Variants in HAUS6 observed in about 807,000 individuals in gnomAD.
HAUS6 encodes the protein HAUS augmin-like complex subunit 6.
HAUS6 carries 80 observed loss-of-function variants against 106.8 expected under a neutral mutation model. The observed-to-expected ratio is 0.75, with a 90% CI of 0.63 to 0.90. The LOEUF is 0.90. Ranked by LOEUF, HAUS6 falls within the 40% of genes least tolerant of loss-of-function variation. The probability of loss-of-function intolerance (pLI) is 0.00; values close to 1 mark genes in which losing one functional copy is unlikely to be tolerated. For missense variants in HAUS6, 1,155 were observed against 1,118.1 expected, an observed-to-expected ratio of 1.03 and a Z score of -0.47; for synonymous variants, 356 against 379.1, an observed-to-expected ratio of 0.94 and a Z score of 0.71.
At chr9:19,087,864 A>AAAAAAAAAAAAAAAAAAAAAG (rs1817655633) in intron 5 of HAUS6, among the ~76,000 whole-genome samples, 1 of 148,602 alleles carries the variant, frequency 6.7e-6, no homozygotes. Flanking sequence ...AAAAAAAAAA[A>AAAAAAAAAAAAAAAAAAAAAG]AAAAAAACCA....
In HAUS6 at chr9:19,054,161, T is replaced by A. The variant is rs1424500755; in HGVS notation, c.*2182A>T. 2.6e-5 allele frequency: 4 copies of A among 152,094 alleles called. No homozygotes were observed. Among genetic ancestry groups the A allele is most frequent in the Non-Finnish European group, 5.9e-5 (4 of 68,016 alleles). The allele number at this position is 152,094 out of a possible 1,614,324, so 9.4% of individuals were successfully genotyped here. On this transcript the variant is annotated 3_prime_UTR_variant, in exon 17 of 17. Coordinates refer to ENST00000380502, the MANE Select transcript of HAUS6 (RefSeq NM_017645.5). Reference sequence around the variant, plus strand: ...CAAGGTATTCCTGCTTCAGGAAAATTGTATATCAAGACCTCTAAAGACCCA... The same window carrying A: ...CAAGGTATTCCTGCTTCAGGAAAATAGTATATCAAGACCTCTAAAGACCCA...
chr9:19,058,686 T>C lies in HAUS6; in HGVS notation c.2081A>G (p.Lys694Arg). 3 of 1,612,880 alleles carry C rather than the reference T, an allele frequency of 1.9e-6. No individual in the cohort carries two copies. Among genetic ancestry groups the C allele is most frequent in the South Asian group, 1.1e-5 (1 of 91,048 alleles). The change falls in exon 16 of 17, where the codon AAG (lysine) becomes AGG (arginine). Residue 694 changes from lysine (K) to arginine (R), a missense_variant. By Grantham distance (26) the Lys-to-Arg change is conservative (BLOSUM62 2). Coordinates refer to ENST00000380502, the MANE Select transcript of HAUS6 (RefSeq NM_017645.5). ...SDLLNKKVIC[K>R]QDLECLAFTK... ...GAAGGCTAAACATTCCAAATCTTGCTTGCAAATTACTTTCTTATTTAACAA... is the reference window on the plus strand; with the variant it reads ...GAAGGCTAAACATTCCAAATCTTGCCTGCAAATTACTTTCTTATTTAACAA...
intron 4 of HAUS6, among the ~76,000 whole-genome samples, 156 bp downstream of exon 4, chr9:19,093,015 T>A (rs1817787580): frequency 6.6e-6 from 1 of 152,040 alleles, no homozygotes. Context: ...GATTTTAAAG[T>A]ACACTTCCAG....
At chr9:19,087,735 C>A (rs1384385851) in intron 5 of HAUS6, among the ~76,000 whole-genome samples, 3 of 151,206 alleles carry the variant, frequency 2.0e-5, no homozygotes, top group Non-Finnish European at 2.9e-5. Flanking sequence ...CACGCCTGTA[C>A]TCCCAGCTAC....
rs1268958461 is a variant in HAUS6 at position 19,080,332 on chromosome 9, C to T, written c.1064+147G>A. The T allele has an allele frequency of 4.9e-6, 3 of 606,796 alleles. No homozygotes were observed. The African/African-American group carries it at 5.6e-5, about 11-fold the overall frequency. The allele number at this position is 606,796 out of a possible 1,614,324, so 37.6% of individuals were successfully genotyped here. ...CTTTTCCTTTCTGCTTCATGTATAT[C>T]TCCAAGAGTTGATTATGTAAGATTT... On this transcript the variant is annotated intron_variant, in intron 9 of 16. Coordinates refer to ENST00000380502, the MANE Select transcript of HAUS6 (RefSeq NM_017645.5).
chr9:19,091,208 T>C (rs937935725), intron 4 of HAUS6, among the ~76,000 whole-genome samples: 2 of 151,146 alleles, frequency 1.3e-5, no homozygotes, highest in African/African-American at 2.4e-5. Context: ...GCTGAAGCAG[T>C]AGAATCGCTT....
In HAUS6 at chr9:19,086,739, G is replaced by C. The variant is rs1291128766; in HGVS notation, c.694C>G (p.Gln232Glu). The change falls in exon 7 of 17, where the codon CAA becomes GAA. Residue 232 changes from glutamine to glutamate, a missense_variant. Gln to Glu is a conservative substitution (Grantham distance 29, BLOSUM62 2). Transcript: ENST00000380502. Reference sequence around the variant, plus strand: ...CCTTTTATAAGTTGTCTCACCTTTTGAATTTTTTCTTCCATATTACTGTGG... The same window carrying C: ...CCTTTTATAAGTTGTCTCACCTTTTCAATTTTTTCTTCCATATTACTGTGG... Reference protein sequence around the residue: ...DDHSNMEEKIQKVRSLWASVN... With the variant: ...DDHSNMEEKIEKVRSLWASVN... 4.8e-6 allele frequency: 6 copies of C among 1,242,998 alleles called. No individual in the cohort carries two copies. The South Asian group carries it at 6.3e-5, about 13-fold the overall frequency. 77.0% of individuals were successfully genotyped at this position (1,242,998 alleles called of 1,614,324 possible).
At chr9:19,059,289 C>T (rs1281714721) in intron 15 of HAUS6, among the ~76,000 whole-genome samples, 1 of 152,226 alleles carries the variant, frequency 6.6e-6, no homozygotes, top group Admixed American at 6.5e-5. Context: ...CTTTTCTTGT[C>T]CATCTAAGCC....
At chr9:19,087,317 A>T (rs1837321651) in intron 5 of HAUS6, among the ~76,000 whole-genome samples, 161 bp from the exon 6 acceptor site, 1 of 152,190 alleles carries the variant, frequency 6.6e-6, no homozygotes, top group African/African-American at 2.4e-5. Flanking sequence ...AAGTGATTCA[A>T]CATACAGGCT....
At chr9:19,092,556 G>A (rs562180232) in intron 4 of HAUS6, among the ~76,000 whole-genome samples, 71 of 146,480 alleles carry the variant, frequency 4.8e-4, no homozygotes, top group South Asian at 2.6e-3. Context: ...CAGAGGTTGC[G>A]GTGAGCCAAG....
rs145576393 is a variant in HAUS6 at position 19,058,256 on chromosome 9, G to C, written c.2511C>G (p.Tyr837Ter). 15 of 1,613,686 alleles carry C rather than the reference G, an allele frequency of 9.3e-6. No homozygotes were observed. The highest frequency in any genetic ancestry group is 7.7e-5 in the South Asian group (7 of 91,068). The change falls in exon 16 of 17, where the codon TAC becomes TAG. Residue 837 changes from tyrosine to a stop codon, truncating the protein, a stop_gained. Coordinates refer to ENST00000380502, the MANE Select transcript of HAUS6 (RefSeq NM_017645.5). LOFTEE classifies it high-confidence loss of function. ...TGGAAAGAGATTTCTTCAGAGCCTC[G>C]TATCTACTGCGAAGAGCCTGTAAAT... ...DFNLQALRSR[Y>*]EALKKSLSKK...
At chr9:19,082,247 A>G (rs1381373656) in intron 8 of HAUS6, among the ~76,000 whole-genome samples, 1 of 152,224 alleles carries the variant, frequency 6.6e-6, no homozygotes, top group Admixed American at 6.5e-5. Context: ...TTTTAAAAGG[A>G]CATTTGGCAA....
intron 2 of HAUS6, among the ~76,000 whole-genome samples, chr9:19,095,639 A>C (rs1228217096): frequency 6.6e-6 from 1 of 152,160 alleles, no homozygotes; most frequent in Non-Finnish European, 1.5e-5. Context: ...AAAGCAAAAT[A>C]TTGAAAATAG....
rs1429025874 is a variant in HAUS6 at position 19,063,196 on chromosome 9, G to A, written c.1444-3C>T. The A allele has an allele frequency of 1.2e-5, 19 of 1,576,510 alleles. No individual in the cohort carries two copies. Among genetic ancestry groups the A allele is most frequent in the Non-Finnish European group, 1.7e-5 (19 of 1,151,342 alleles). ...TTGGGAGTTCCCATCTTTGTGTCCT[G>A]AAGAAGACAGATATGTAATGTTAAA... On this transcript the variant is annotated splice_region_variant and splice_polypyrimidine_tract_variant and intron_variant, in intron 13 of 16. Transcript: ENST00000380502.
At chr9:19,079,228 TTC>T (rs1837081123) in intron 9 of HAUS6, among the ~76,000 whole-genome samples, 1 of 150,920 alleles carries the variant, frequency 6.6e-6, no homozygotes, top group Admixed American at 6.6e-5. Flanking sequence ...TTATTTTTTT[TTC>T]TTTTTTTTTT....
Position 19,053,544 on chromosome 9 carries a change from C to T in HAUS6, c.*2799G>A, listed in dbSNP as rs1836403544. 6.6e-6 allele frequency: 1 copy of T among 152,108 alleles called. No homozygotes were observed. The highest frequency in any genetic ancestry group is 1.5e-5 in the Non-Finnish European group (1 of 67,988). The allele number at this position is 152,108 out of a possible 1,614,324, so 9.4% of individuals were successfully genotyped here. On this transcript the variant is annotated 3_prime_UTR_variant, in exon 17 of 17. Transcript: ENST00000380502. ...ATGTTAACTTCAGCTATTCTTTATT[C>T]CACTTGATGACATTTTTCATGTTTA...
intron 8 of HAUS6, among the ~76,000 whole-genome samples, chr9:19,082,340 CTG>C (rs752920455): frequency 2.6e-5 from 4 of 152,154 alleles, no homozygotes; most frequent in Admixed American, 6.5e-5. Context: ...TTCATACTGT[CTG>C]TACTATATGA....
intron 16 of HAUS6, 39 bp downstream of exon 16, chr9:19,057,922 T>C: frequency 8.0e-7 from 1 of 1,250,296 alleles, no homozygotes; most frequent in Non-Finnish European, 1.1e-6. Flanking sequence ...GAGAGAAAAC[T>C]TCAACAGGTG....
chr9:19,098,122 A>G (rs1817901836), intron 1 of HAUS6, among the ~76,000 whole-genome samples: 1 of 152,198 alleles, frequency 6.6e-6, no homozygotes, highest in African/African-American at 2.4e-5. Flanking sequence ...ATATTTGTTG[A>G]AGATTTGTTC....
Sources: gnomAD v4.1 joint callset for allele counts (sites outside exome capture counted in the v4.1 genomes callset) on GRCh38, gnomAD v4.1.1 for gene constraint, MANE v1.5 for transcripts, NCBI Gene and HGNC (gene_info 2026-07-23, HGNC 2026-07-21) for gene names.